Variants in ZBTB11 observed in about 807,000 individuals in gnomAD.
ZBTB11 encodes zinc finger and BTB domain-containing protein 11.
In ZBTB11, 68 loss-of-function variants were observed where a neutral mutation model predicts 113.1. The observed-to-expected ratio is 0.60, with a 90% CI of 0.49 to 0.74. The LOEUF (loss-of-function observed/expected upper bound fraction) is 0.74. ZBTB11 is among the 30% of genes least tolerant of loss of function. The pLI, the probability that ZBTB11 is intolerant of heterozygous loss-of-function variation, is 0.00. For missense variants in ZBTB11, 1,104 were observed against 1,279.4 expected, an observed-to-expected ratio of 0.86 and a Z score of 2.09; for synonymous variants, 518 against 452.6, an observed-to-expected ratio of 1.14 and a Z score of -1.83.
At position 101,659,780 on chromosome 3, in the gene ZBTB11, T is replaced by C. The variant is rs1936856142; in HGVS notation, c.2046+3A>G. 1 of 1,613,902 alleles carries C rather than the reference T, an allele frequency of 6.2e-7. No homozygotes were observed. On this transcript the variant is annotated splice_donor_region_variant and intron_variant, in intron 6 of 10. Coordinates refer to ENST00000312938, the MANE Select transcript of ZBTB11 (RefSeq NM_014415.4). ...AATAGCAAAATAAACGTTATAGCTT[T>C]ACCTGGCATGCATGTGGCTTTACAC... is the stretch of plus-strand genomic sequence containing the variant.
chr3:101,655,036 C>T (rs1025377734), intron 7 of ZBTB11, among the ~76,000 whole-genome samples: 3 of 152,106 alleles, frequency 2.0e-5, no homozygotes, highest in African/African-American at 7.2e-5. Context: ...TGCCACCACA[C>T]CCAGCTAATT....
chr3:101,658,367 A>T (rs914832440), intron 6 of ZBTB11, among the ~76,000 whole-genome samples: 3 of 151,638 alleles, frequency 2.0e-5, no homozygotes, highest in Admixed American at 1.3e-4. Context: ...CTGGGATTAC[A>T]GGTGTGTGCC....
At chr3:101,673,465 G>C (rs1409391199) in intron 1 of ZBTB11, among the ~76,000 whole-genome samples, 1 of 152,042 alleles carries the variant, frequency 6.6e-6, no homozygotes, top group African/African-American at 2.4e-5. Flanking sequence ...GTATGGTATA[G>C]AGAATATTCC....
At chr3:101,674,433 G>A (rs1937130072) in intron 1 of ZBTB11, among the ~76,000 whole-genome samples, 1 of 151,974 alleles carries the variant, frequency 6.6e-6, no homozygotes, top group Admixed American at 6.6e-5. Context: ...TGTATTGGCC[G>A]GGCGCTGTGG....
chr3:101,669,835 T>C (rs1937058530), intron 3 of ZBTB11, among the ~76,000 whole-genome samples: 1 of 151,992 alleles, frequency 6.6e-6, no homozygotes, highest in African/African-American at 2.4e-5. Context: ...TAGTGCTTTT[T>C]TTTTTTTTTT....
chr3:101,667,805 A>C (rs531265346), intron 3 of ZBTB11, among the ~76,000 whole-genome samples: 16 of 152,276 alleles, frequency 1.1e-4, no homozygotes, highest in Admixed American at 3.3e-4. Flanking sequence ...AACACTATAG[A>C]AGTGCCTCAA....
Position 101,672,074 on chromosome 3 carries a change from A to C in ZBTB11, c.450T>G (p.Asn150Lys). The change falls in exon 2 of 11, where the codon AAT becomes AAG. Residue 150 changes from asparagine (N) to lysine (K), a missense_variant. Coordinates refer to ENST00000312938, the MANE Select transcript of ZBTB11 (RefSeq NM_014415.4). ...AGTTGCTCAGGTCATCTTCCGATTC[A>C]TTACTTTCTTCTCCAGATTCAAGGT... is the stretch of plus-strand genomic sequence containing the variant. The part of the protein sequence containing the change: ...GLDLESGEES[N>K]ESEDDLSNFT... 1 of 1,614,154 alleles carries C rather than the reference A, an allele frequency of 6.2e-7. No homozygotes were observed. The highest frequency in any genetic ancestry group is 8.5e-7 in the Non-Finnish European group (1 of 1,180,006).
intron 3 of ZBTB11, among the ~76,000 whole-genome samples, chr3:101,668,440 C>T (rs560470320): frequency 6.6e-6 from 1 of 151,984 alleles, no homozygotes; most frequent in Non-Finnish European, 1.5e-5. Flanking sequence ...CCAGCCTGGG[C>T]AACAAAGTGA....
intron 3 of ZBTB11, among the ~76,000 whole-genome samples, chr3:101,667,564 C>G (rs1209083562): frequency 2.0e-5 from 3 of 152,150 alleles, no homozygotes; most frequent in Non-Finnish European, 4.4e-5. Context: ...AAGCCTTAAA[C>G]TTGTGAGATG....
chr3:101,668,501 C>G (rs560672929), intron 3 of ZBTB11, among the ~76,000 whole-genome samples: 1 of 151,882 alleles, frequency 6.6e-6, no homozygotes. Context: ...AGGTGGTGTG[C>G]ACCTGTGGTC....
rs1304788046 is a variant in ZBTB11, at chr3:101,648,904, C to T, written c.*2262G>A. ...TTCTTGTCCAGCGTCCAGGAAGAAT[C>T]AGGTCACATGGACAAATTGAAGGAT... On this transcript the variant is annotated 3_prime_UTR_variant, in exon 11 of 11. Coordinates refer to ENST00000312938, the MANE Select transcript of ZBTB11 (RefSeq NM_014415.4). The T allele has an allele frequency of 6.6e-6, 1 of 152,228 alleles. No individual in the cohort carries two copies. Among genetic ancestry groups the T allele is most frequent in the African/African-American group, 2.4e-5 (1 of 41,444 alleles). 9.4% of individuals were successfully genotyped at this position (152,228 alleles called of 1,614,324 possible).
rs377483003 is a variant in ZBTB11, at chr3:101,675,727, G to A, written c.310+878C>T. On this transcript the variant is annotated intron_variant, in intron 1 of 10. Transcript: ENST00000312938. ...GTCACAGTAATCGTACCTTTTCTGCGTATATACAATGCTACACAGTTCCCA... is the reference window on the plus strand; with the variant it reads ...GTCACAGTAATCGTACCTTTTCTGCATATATACAATGCTACACAGTTCCCA... 6.6e-5 allele frequency among the ~76,000 whole-genome samples: 10 copies of A among 152,262 alleles called. No homozygotes were observed. In the East Asian group the frequency reaches 1.7e-3, roughly 26 times the overall value.
chr3:101,656,068 T>C (rs749958970), intron 7 of ZBTB11, 36 bp downstream of exon 7: 2 of 1,408,058 alleles, frequency 1.4e-6, no homozygotes, highest in Non-Finnish European at 1.9e-6. Flanking sequence ...TAATAGTTTA[T>C]GAAATGTAAC....
At chr3:101,676,544 A>C in intron 1 of ZBTB11, 61 bp downstream of exon 1, 4 of 1,424,062 alleles carry the variant, frequency 2.8e-6, no homozygotes, top group Non-Finnish European at 2.8e-6. Flanking sequence ...AGGCCTCGCC[A>C]GCGAGCCTTG....
In ZBTB11 at chr3:101,650,595, A is replaced by G. The variant is rs937872255; in HGVS notation, c.*571T>C. On this transcript the variant is annotated 3_prime_UTR_variant, in exon 11 of 11. Coordinates refer to ENST00000312938, the MANE Select transcript of ZBTB11 (RefSeq NM_014415.4). Reference sequence around the variant, plus strand: ...TAAGTGCTTTAAAATAGAATAAAGCATCCCTGACTTAAAAGGGGATAAAAT... The same window carrying G: ...TAAGTGCTTTAAAATAGAATAAAGCGTCCCTGACTTAAAAGGGGATAAAAT... 6.5e-6 allele frequency: 1 copy of G among 152,676 alleles called. No individual in the cohort carries two copies. Among genetic ancestry groups the G allele is most frequent in the African/African-American group, 2.4e-5 (1 of 41,474 alleles). 9.5% of individuals were successfully genotyped at this position (152,676 alleles called of 1,614,324 possible). A position where few individuals can be genotyped will look rare whatever the true frequency, so the allele number is the denominator to read the frequency against.
At position 101,649,503 on chromosome 3, in the gene ZBTB11, T is replaced by C. The variant is rs942030229; in HGVS notation, c.*1663A>G. ...TGTTTATGACATACATTAATGGTCA[T>C]ACACAATTTTTAAACTAAATCTAGT... On this transcript the variant is annotated 3_prime_UTR_variant, in exon 11 of 11. Coordinates refer to ENST00000312938, the MANE Select transcript of ZBTB11 (RefSeq NM_014415.4). 1.3e-5 allele frequency: 2 copies of C among 152,230 alleles called. No individual in the cohort carries two copies. The highest frequency in any genetic ancestry group is 4.8e-5 in the African/African-American group (2 of 41,472). The allele number at this position is 152,230 out of a possible 1,614,324, so 9.4% of individuals were successfully genotyped here.
At chr3:101,663,457 A>T (rs1936927553) in intron 5 of ZBTB11, among the ~76,000 whole-genome samples, 1 of 152,220 alleles carries the variant, frequency 6.6e-6, no homozygotes, top group Non-Finnish European at 1.5e-5. Flanking sequence ...TAAAAAATTC[A>T]CTGGAATTTC....
intron 8 of ZBTB11, 136 bp downstream of exon 8, chr3:101,654,568 C>T (rs1414297603): frequency 4.4e-6 from 3 of 687,462 alleles, no homozygotes; most frequent in Admixed American, 2.6e-5. Context: ...AATAGTAACC[C>T]TTAAGCAAGA....
intron 3 of ZBTB11, among the ~76,000 whole-genome samples, chr3:101,667,667 TTTTG>T (rs1274790856): frequency 3.9e-5 from 6 of 152,194 alleles, no homozygotes; most frequent in African/African-American, 1.4e-4. Context: ...AATTCTTTTT[TTTTG>T]TTTGTTTGAG....
Sources: allele counts gnomAD v4.1 joint callset (sites outside exome capture counted in the v4.1 genomes callset), GRCh38; gene constraint gnomAD v4.1.1; transcripts MANE v1.5; gene names NCBI Gene and HGNC (gene_info 2026-07-23, HGNC 2026-07-21).